The following GNA12 variants were observed in gnomAD, a reference collection of about 807,000 sequenced individuals.
GNA12 encodes G protein subunit alpha 12.
A neutral mutation model predicts 26.0 loss-of-function variants in GNA12; 9 were observed. The ratio of observed to expected loss-of-function variants is 0.35; its 90% confidence interval spans 0.21 to 0.60. GNA12 has a LOEUF of 0.60. Ranked by LOEUF, GNA12 falls within the 20% of genes least tolerant of loss-of-function variation. The pLI is 0.78. For missense variants in GNA12, 405 were observed against 525.8 expected (o/e 0.77, Z 2.25); for synonymous variants, 264 against 219.6 (o/e 1.20, Z -1.79).
At chr7:2,824,556 A>G (rs1463796198) in intron 1 of GNA12, among the ~76,000 whole-genome samples, 1 of 152,138 alleles carries the variant, frequency 6.6e-6, no homozygotes, top group Non-Finnish European at 1.5e-5. Context: ...TACCCTGTGG[A>G]TCGTCTGTTT....
intron 1 of GNA12, among the ~76,000 whole-genome samples, chr7:2,820,279 G>A (rs904291874): frequency 1.6e-4 from 25 of 151,962 alleles, no homozygotes; most frequent in Admixed American, 7.9e-4. Flanking sequence ...CTGGGGTGAT[G>A]AAAATGTTTT....
intron 2 of GNA12, among the ~76,000 whole-genome samples, chr7:2,746,812 T>C (rs1164687979): frequency 1.3e-5 from 2 of 151,436 alleles, no homozygotes; most frequent in African/African-American, 2.4e-5. Context: ...ATCAAATAGA[T>C]GCAATAAAAA....
intron 2 of GNA12, among the ~76,000 whole-genome samples, chr7:2,769,925 T>C (rs1791906275): frequency 6.6e-6 from 1 of 152,232 alleles, no homozygotes; most frequent in Non-Finnish European, 1.5e-5. Flanking sequence ...TCATTACATT[T>C]TAAGTCTAAG....
chr7:2,794,157 G>A (rs1443153693), intron 2 of GNA12, among the ~76,000 whole-genome samples: 1 of 152,118 alleles, frequency 6.6e-6, no homozygotes, highest in African/African-American at 2.4e-5. Flanking sequence ...AGACTGTCGT[G>A]TTTACAAATA....
intron 2 of GNA12, among the ~76,000 whole-genome samples, chr7:2,764,250 T>C (rs1170256080): frequency 4.6e-4 from 69 of 150,240 alleles, no homozygotes; most frequent in African/African-American, 4.2e-4. Flanking sequence ...ATTTCTTTTT[T>C]TTTTTTTTTT....
At chr7:2,769,363 A>G (rs1485117366) in intron 2 of GNA12, among the ~76,000 whole-genome samples, 2 of 152,240 alleles carry the variant, frequency 1.3e-5, no homozygotes, top group Non-Finnish European at 2.9e-5. Context: ...TGGGACATGT[A>G]TAATTATGTC....
intron 1 of GNA12, among the ~76,000 whole-genome samples, chr7:2,831,404 C>CT (rs3996402): frequency 0.32 from 41,562 of 130,052 alleles, 7,987 homozygotes; most frequent in Non-Finnish European, 0.41. Flanking sequence ...ACTTCACTTT[C>CT]TTTTTTTTTT....
At chr7:2,742,958 C>A (rs798512) in intron 2 of GNA12, among the ~76,000 whole-genome samples, 2 of 152,056 alleles carry the variant, frequency 1.3e-5, no homozygotes, top group Admixed American at 6.5e-5. Flanking sequence ...CAGGTGCACA[C>A]TCACATCACC....
chr7:2,841,353 T>C (rs1778983388), intron 1 of GNA12, among the ~76,000 whole-genome samples: 1 of 152,138 alleles, frequency 6.6e-6, no homozygotes, highest in Admixed American at 6.5e-5. Context: ...ATCTACTGAG[T>C]TGGAAGAAAC....
At chr7:2,739,361 T>C (rs1024812497) in intron 2 of GNA12, among the ~76,000 whole-genome samples, 7 of 152,168 alleles carry the variant, frequency 4.6e-5, no homozygotes, top group East Asian at 1.9e-4. Flanking sequence ...GGATCTCTCA[T>C]TGGAGCGCAT....
intron 1 of GNA12, among the ~76,000 whole-genome samples, chr7:2,833,043 C>CT (rs1778723376): frequency 6.6e-6 from 1 of 152,232 alleles, no homozygotes. Context: ...GAGAGAAAGA[C>CT]TAACCCATCA....
At chr7:2,806,471 A>AAAAAG (rs916679731) in intron 1 of GNA12, among the ~76,000 whole-genome samples, 8 of 151,222 alleles carry the variant, frequency 5.3e-5, no homozygotes, top group African/African-American at 1.9e-4. Flanking sequence ...AAAAAAAAAA[A>AAAAAG]AAAAAAAGAA....
chr7:2,843,382 G>A (rs1309164859), intron 1 of GNA12, among the ~76,000 whole-genome samples: 2 of 152,034 alleles, frequency 1.3e-5, no homozygotes, highest in African/African-American at 2.4e-5. Context: ...CATGACTCAT[G>A]CCTATAATCC....
rs531704004 is a variant in GNA12 at position 2,793,756 on chromosome 7, G to A, written c.525+1172C>T. Among the ~76,000 whole-genome samples the A allele has an allele frequency of 3.0e-4, 46 of 151,934 alleles. 1 individual carries two copies. The South Asian group carries it at 6.9e-3, about 23-fold the overall frequency. On this transcript the variant is annotated intron_variant, in intron 2 of 3. Coordinates refer to ENST00000275364, the MANE Select transcript of GNA12 (RefSeq NM_007353.3). ...AAAATTAGCTGGTGTGGTGGTGGGT[G>A]CCTACAGTCTCTGCTACTCGGGAGG... is the stretch of plus-strand genomic sequence containing the variant.
rs755544096 is a variant in GNA12 at position 2,729,134 on chromosome 7, A to G, written c.*2047T>C. The G allele has an allele frequency of 6.6e-6, 1 of 152,426 alleles. No homozygotes were observed. Among genetic ancestry groups the G allele is most frequent in the Non-Finnish European group, 1.5e-5 (1 of 68,060 alleles). The allele number at this position is 152,426 out of a possible 1,614,324, so 9.4% of individuals were successfully genotyped here. Reference sequence around the variant, plus strand: ...GCGAATCACAGCGCTGCTGTCGCCAACAGCGCCGCGAAGAGGCTCTCCCCG... The same window carrying G: ...GCGAATCACAGCGCTGCTGTCGCCAGCAGCGCCGCGAAGAGGCTCTCCCCG... On this transcript the variant is annotated 3_prime_UTR_variant, in exon 4 of 4. Coordinates refer to ENST00000275364, the MANE Select transcript of GNA12 (RefSeq NM_007353.3).
At chr7:2,775,950 T>C (rs1792065566) in intron 2 of GNA12, among the ~76,000 whole-genome samples, 1 of 152,330 alleles carries the variant, frequency 6.6e-6, no homozygotes, top group Middle Eastern at 3.4e-3. Flanking sequence ...GCCTGCCAGC[T>C]GGAGAGACAG....
chr7:2,842,072 AAAAGGAAGGCGGGAAGGAAAGGAAGG>A (rs1779006591), intron 1 of GNA12, among the ~76,000 whole-genome samples: 1 of 147,590 alleles, frequency 6.8e-6, no homozygotes, highest in South Asian at 2.1e-4. Context: ...AGAAAGGAAG[AAAAGGAAGGCGGGAAGGAAAGGAAGG>A]AAAGGAAGGA....
intron 2 of GNA12, among the ~76,000 whole-genome samples, chr7:2,788,212 A>G (rs1038013986): frequency 3.2e-4 from 48 of 151,068 alleles, no homozygotes; most frequent in Non-Finnish European, 8.8e-5. Flanking sequence ...AGCTGCTCCC[A>G]TGGCCACCCC....
In GNA12 at chr7:2,730,268, G is replaced by C. The variant is rs1011791216; in HGVS notation, c.*913C>G. On this transcript the variant is annotated 3_prime_UTR_variant, in exon 4 of 4. Transcript: ENST00000275364. Reference sequence around the variant, plus strand: ...CCAACTGTGTGTGAGCAGATGACTTGCAGGAAGATGGGAGAGCCGTCTGCA... The same window carrying C: ...CCAACTGTGTGTGAGCAGATGACTTCCAGGAAGATGGGAGAGCCGTCTGCA... The C allele has an allele frequency of 6.6e-6, 1 of 152,596 alleles. No individual in the cohort carries two copies. Among genetic ancestry groups the C allele is most frequent in the East Asian group, 1.9e-4 (1 of 5,330 alleles). The allele number at this position is 152,596 out of a possible 1,614,324, so 9.5% of individuals were successfully genotyped here.
Sources: allele counts gnomAD v4.1 joint callset (sites outside exome capture counted in the v4.1 genomes callset), GRCh38; gene constraint gnomAD v4.1.1; transcripts MANE v1.5; gene names NCBI Gene and HGNC (gene_info 2026-07-23, HGNC 2026-07-21).